FGD4: variants seen among roughly 807,000 people sequenced by gnomAD.
The protein encoded by FGD4 is FYVE, RhoGEF and PH domain-containing protein 4.
Under a neutral mutation model 102.0 loss-of-function variants are expected in FGD4, and 42 were observed. The ratio of observed to expected loss-of-function variants is 0.41; its 90% CI spans 0.32 to 0.53. The LOEUF is 0.53. Among genes scored for constraint, FGD4 ranks in the 20% least tolerant of loss-of-function variants. FGD4 has a pLI of 0.21. For synonymous variants in FGD4, 380 were observed against 375.7 expected, an observed-to-expected ratio of 1.01 and a Z score of -0.13; for missense variants, 902 against 1,078.2, an observed-to-expected ratio of 0.84 and a Z score of 2.29.
intron 1 of FGD4, among the ~76,000 whole-genome samples, chr12:32,560,201 T>C (rs10844243): frequency 0.13 from 19,929 of 152,290 alleles, 1,400 homozygotes; most frequent in Middle Eastern, 0.23. Flanking sequence ...TCCAAGAAGA[T>C]AGATAAGCTT....
At chr12:32,603,701 T>TG (rs1249713442) in intron 7 of FGD4, among the ~76,000 whole-genome samples, 1 of 150,590 alleles carries the variant, frequency 6.6e-6, no homozygotes, top group Non-Finnish European at 1.5e-5. Context: ...TCTATAATGT[T>TG]TATTATTTTT....
chr12:32,548,381 GA>G (rs939495035), intron 1 of FGD4, among the ~76,000 whole-genome samples: 1 of 152,190 alleles, frequency 6.6e-6, no homozygotes, highest in Non-Finnish European at 1.5e-5. Flanking sequence ...CTACAGGCCA[GA>G]AATTTGCTTT....
intron 1 of FGD4, among the ~76,000 whole-genome samples, chr12:32,416,625 AC>A (rs1209503372): frequency 6.6e-6 from 1 of 152,224 alleles, no homozygotes; most frequent in Non-Finnish European, 1.5e-5. Context: ...GCAGAAATAA[AC>A]AAGCAAAAAA....
At chr12:32,616,882 T>C (rs1359403093) in intron 10 of FGD4, among the ~76,000 whole-genome samples, 1 of 152,208 alleles carries the variant, frequency 6.6e-6, no homozygotes, top group Non-Finnish European at 1.5e-5. Flanking sequence ...GGGGTTTATT[T>C]TCTGCAGTTC....
At chr12:32,553,783 G>A (rs114710242) in intron 1 of FGD4, among the ~76,000 whole-genome samples, 1,546 of 152,274 alleles carry the variant, frequency 0.01, 30 homozygotes, top group African/African-American at 0.035. Flanking sequence ...ATATAAGTTA[G>A]TGATCCTAGT....
intron 1 of FGD4, among the ~76,000 whole-genome samples, chr12:32,517,850 C>T (rs964055050): frequency 6.6e-6 from 1 of 152,052 alleles, no homozygotes; most frequent in African/African-American, 2.4e-5. Context: ...CATGCTGCTG[C>T]ACTCCATCCT....
At chr12:32,477,852 T>G (rs1192903283) in intron 1 of FGD4, among the ~76,000 whole-genome samples, 2 of 152,176 alleles carry the variant, frequency 1.3e-5, no homozygotes, top group Non-Finnish European at 2.9e-5. Flanking sequence ...CTTGGAACTT[T>G]TGTGGTGCAG....
chr12:32,519,910 G>A (rs184463428), intron 1 of FGD4, among the ~76,000 whole-genome samples: 22 of 152,274 alleles, frequency 1.4e-4, no homozygotes, highest in African/African-American at 5.1e-4. Flanking sequence ...TCATGCCACT[G>A]CACTCCAGTC....
intron 1 of FGD4, among the ~76,000 whole-genome samples, chr12:32,476,509 TCTC>T (rs1413146842): frequency 6.6e-6 from 1 of 152,122 alleles, no homozygotes; most frequent in Non-Finnish European, 1.5e-5. Flanking sequence ...GGACCTTAAT[TCTC>T]CTCCACGCAG....
At chr12:32,542,881 A>G (rs969298462) in intron 1 of FGD4, among the ~76,000 whole-genome samples, 1 of 152,146 alleles carries the variant, frequency 6.6e-6, no homozygotes, top group Non-Finnish European at 1.5e-5. Context: ...TGTTTTTGGT[A>G]GTGATATTAT....
At chr12:32,476,697 G>A (rs534482483) in intron 1 of FGD4, among the ~76,000 whole-genome samples, 1 of 152,252 alleles carries the variant, frequency 6.6e-6, no homozygotes, top group African/African-American at 2.4e-5. Flanking sequence ...GGGTAGCAGT[G>A]AGAACCTGTT....
chr12:32,591,955 C>A (rs774772437), intron 4 of FGD4, among the ~76,000 whole-genome samples: 2 of 152,128 alleles, frequency 1.3e-5, no homozygotes, highest in African/African-American at 2.4e-5. Context: ...AGGAGTGTAA[C>A]TTTTGGTGCT....
intron 1 of FGD4, among the ~76,000 whole-genome samples, chr12:32,462,059 T>C (rs958541964): frequency 2.6e-5 from 4 of 152,124 alleles, no homozygotes; most frequent in African/African-American, 9.7e-5. Flanking sequence ...TTTTAAGTTA[T>C]GGATTTAGTT....
At chr12:32,407,322 C>T (rs1940982750) in intron 1 of FGD4, among the ~76,000 whole-genome samples, 1 of 151,504 alleles carries the variant, frequency 6.6e-6, no homozygotes, top group Admixed American at 6.6e-5. Flanking sequence ...GACGGGGTTT[C>T]ACCATGTTGG....
At chr12:32,634,565 A>G (rs1475969690) in intron 15 of FGD4, among the ~76,000 whole-genome samples, 1 of 150,006 alleles carries the variant, frequency 6.7e-6, no homozygotes, top group East Asian at 1.9e-4. Flanking sequence ...GATATTAACA[A>G]TATAAGGGAC....
chr12:32,524,579 C>T (rs751429415), intron 1 of FGD4, among the ~76,000 whole-genome samples: 2 of 151,118 alleles, frequency 1.3e-5, no homozygotes, highest in Non-Finnish European at 2.9e-5. Flanking sequence ...AATCCCAGCA[C>T]TTTGGGGGGC....
chr12:32,611,333 T>A, intron 10 of FGD4, 50 bp downstream of exon 10: 2 of 1,608,148 alleles, frequency 1.2e-6, no homozygotes, highest in South Asian at 2.2e-5. Context: ...TATAAAAATA[T>A]GGCTGGGCAC....
At chr12:32,620,693 ATTTTTTTTT>A (rs1208809588) in intron 11 of FGD4, among the ~76,000 whole-genome samples, 4 of 97,094 alleles carry the variant, frequency 4.1e-5, no homozygotes, top group Middle Eastern at 6.6e-3. Context: ...CACCTGGCTA[ATTTTTTTTT>A]TTTTTTTTTT....
intron 1 of FGD4, among the ~76,000 whole-genome samples, chr12:32,411,856 T>TC (rs1291317829): frequency 6.6e-6 from 1 of 152,002 alleles, no homozygotes; most frequent in Non-Finnish European, 1.5e-5. Flanking sequence ...GCGCCTGCAG[T>TC]CCCGGCTGCT....
Sources: gnomAD v4.1 joint callset for allele counts (sites outside exome capture counted in the v4.1 genomes callset) on GRCh38, gnomAD v4.1.1 for gene constraint, MANE v1.5 for transcripts, NCBI Gene and HGNC (gene_info 2026-07-23, HGNC 2026-07-21) for gene names.